The following NRG3 variants were observed in gnomAD, a reference collection of about 807,000 sequenced individuals.
NRG3 encodes pro-neuregulin-3, membrane-bound isoform.
In NRG3, 31 loss-of-function variants were observed where a neutral mutation model predicts 66.9. The ratio of observed to expected loss-of-function variants is 0.46; its 90% CI spans 0.35 to 0.63. The LOEUF (loss-of-function observed/expected upper bound fraction) is 0.63, where lower values mean the gene tolerates loss of function less well. Ranked by LOEUF, NRG3 falls within the 20% of genes least tolerant of loss-of-function variation. NRG3 has a pLI of 0.00. For missense variants in NRG3, 910 were observed against 878.9 expected (o/e 1.04, Z -0.45); for synonymous variants, 393 against 359.4 (o/e 1.09, Z -1.06).
intron 6 of NRG3, among the ~76,000 whole-genome samples, chr10:82,969,787 A>T (rs1258341369): frequency 6.6e-6 from 1 of 152,242 alleles, no homozygotes; most frequent in Non-Finnish European, 1.5e-5. Flanking sequence ...TTTTAACTTA[A>T]AAATCTGCCT....
intron 4 of NRG3, among the ~76,000 whole-genome samples, chr10:82,874,900 C>T (rs967427903): frequency 6.6e-6 from 1 of 152,094 alleles, no homozygotes; most frequent in African/African-American, 2.4e-5. Flanking sequence ...GTGACTAGTC[C>T]TTAGTTTTGA....
chr10:81,970,866 G>A (rs1350992341), intron 1 of NRG3, among the ~76,000 whole-genome samples: 3 of 152,210 alleles, frequency 2.0e-5, no homozygotes, highest in Non-Finnish European at 4.4e-5. Context: ...GTGGCTGGGC[G>A]TGGTGACTCA....
At chr10:82,821,172 A>G (rs1387322299) in intron 3 of NRG3, among the ~76,000 whole-genome samples, 3 of 152,208 alleles carry the variant, frequency 2.0e-5, no homozygotes, top group Admixed American at 6.5e-5. Context: ...AAGGCAACCT[A>G]GAGCCACACA....
chr10:82,434,499 G>A (rs1365296703), intron 2 of NRG3, among the ~76,000 whole-genome samples: 1 of 152,096 alleles, frequency 6.6e-6, no homozygotes, highest in East Asian at 1.9e-4. Flanking sequence ...AATAGGAGTG[G>A]TGAGACTGGG....
chr10:82,924,094 A>AC (rs1418308227), intron 4 of NRG3, among the ~76,000 whole-genome samples: 2 of 151,346 alleles, frequency 1.3e-5, no homozygotes, highest in Admixed American at 6.6e-5. Context: ...CTCAAAAAAA[A>AC]AAAAAAAAAA....
intron 1 of NRG3, among the ~76,000 whole-genome samples, chr10:82,231,748 A>C (rs938005267): frequency 4.6e-5 from 7 of 152,204 alleles, no homozygotes; most frequent in African/African-American, 1.7e-4. Context: ...GTCAGTAAAA[A>C]TTAGTAAGCA....
At chr10:82,340,046 C>T (rs915957481) in intron 1 of NRG3, among the ~76,000 whole-genome samples, 1 of 152,004 alleles carries the variant, frequency 6.6e-6, no homozygotes, top group African/African-American at 2.4e-5. Context: ...TGACAGTTGG[C>T]TTTATTTTTT....
chr10:82,469,956 G>T (rs1322237982), intron 2 of NRG3, among the ~76,000 whole-genome samples: 1 of 152,096 alleles, frequency 6.6e-6, no homozygotes, highest in Non-Finnish European at 1.5e-5. Flanking sequence ...CAAGCTAATC[G>T]CTTTCATCCC....
chr10:81,983,046 T>C (rs1413035245), intron 1 of NRG3, among the ~76,000 whole-genome samples: 1 of 152,196 alleles, frequency 6.6e-6, no homozygotes, highest in African/African-American at 2.4e-5. Flanking sequence ...AGGAGGGCTA[T>C]GTAGACTGTG....
chr10:82,098,335 C>CAT (rs146083601), intron 1 of NRG3, among the ~76,000 whole-genome samples: 8,558 of 150,868 alleles, frequency 0.057, 788 homozygotes, highest in African/African-American at 0.19. Flanking sequence ...ATATATATGA[C>CAT]ATATATATAG....
chr10:82,046,421 A>C (rs1243269304), intron 1 of NRG3, among the ~76,000 whole-genome samples: 1 of 57,076 alleles, frequency 1.8e-5, no homozygotes, highest in Non-Finnish European at 4.7e-5. Flanking sequence ...TTGATTTTGT[A>C]TCCTGAGACT....
intron 2 of NRG3, among the ~76,000 whole-genome samples, chr10:82,486,938 T>C (rs888137588): frequency 2.6e-5 from 4 of 152,008 alleles, no homozygotes; most frequent in East Asian, 1.9e-4. Context: ...GATCAGAGTA[T>C]AGAGTTTCAG....
At chr10:82,158,276 T>G (rs906586125) in intron 1 of NRG3, among the ~76,000 whole-genome samples, 2 of 151,802 alleles carry the variant, frequency 1.3e-5, no homozygotes, top group African/African-American at 4.8e-5. Context: ...TTACAAATAA[T>G]TTTCAGTTAA....
At chr10:82,452,859 G>A (rs1388641021) in intron 2 of NRG3, among the ~76,000 whole-genome samples, 2 of 152,150 alleles carry the variant, frequency 1.3e-5, no homozygotes, top group Non-Finnish European at 2.9e-5. Context: ...AGAAAATGTG[G>A]AGGATTTTAT....
In NRG3 at chr10:82,487,950, A is replaced by G. The variant is rs145471231; in HGVS notation, c.953+129082A>G. ...GGATACAGTATTTGTTTAGCAGACA[A>G]TTCTCAAGATTTTCATGTGTGATAC... is the stretch of plus-strand genomic sequence containing the variant. On this transcript the variant is annotated intron_variant, in intron 2 of 8. Coordinates refer to ENST00000372141, the MANE Select transcript of NRG3 (RefSeq NM_001010848.4). Among the ~76,000 whole-genome samples, 658 of 152,330 alleles carry G rather than the reference A, an allele frequency of 4.3e-3. 4 individuals carry two copies. Among genetic ancestry groups the G allele is most frequent in the African/African-American group, 0.015 (615 of 41,576 alleles).
At chr10:82,414,227 T>A (rs1279622920) in intron 2 of NRG3, among the ~76,000 whole-genome samples, 2 of 152,120 alleles carry the variant, frequency 1.3e-5, no homozygotes, top group Admixed American at 6.6e-5. Flanking sequence ...GAGGCGGTTG[T>A]AAGTTTATTA....
chr10:82,173,831 A>T (rs779600560), intron 1 of NRG3, among the ~76,000 whole-genome samples: 1 of 152,054 alleles, frequency 6.6e-6, no homozygotes, highest in Non-Finnish European at 1.5e-5. Flanking sequence ...TCACTCATTC[A>T]TGTAGCCACG....
intron 1 of NRG3, among the ~76,000 whole-genome samples, chr10:82,341,122 A>T (rs1214604077): frequency 1.3e-5 from 2 of 152,164 alleles, no homozygotes; most frequent in Admixed American, 1.3e-4. Flanking sequence ...CCAGCTATGT[A>T]TGCCCAAAAT....
At chr10:82,101,603 G>T (rs1044759513) in intron 1 of NRG3, among the ~76,000 whole-genome samples, 2 of 151,496 alleles carry the variant, frequency 1.3e-5, no homozygotes, top group Non-Finnish European at 3.0e-5. Context: ...AATTATTTAG[G>T]GATATGTTAG....
Sources: allele counts gnomAD v4.1 joint callset (sites outside exome capture counted in the v4.1 genomes callset), GRCh38; gene constraint gnomAD v4.1.1; transcripts MANE v1.5; gene names NCBI Gene and HGNC (gene_info 2026-07-23, HGNC 2026-07-21).